The following GRM5 variants were observed in gnomAD, a reference collection of about 807,000 sequenced individuals.
GRM5 encodes metabotropic glutamate receptor 5.
GRM5 carries 19 observed loss-of-function variants against 83.1 expected under a neutral mutation model. That is an observed-to-expected ratio of 0.23 (90% CI 0.16 to 0.34). The LOEUF is 0.34. GRM5 is among the 10% of genes least tolerant of loss of function. The pLI, the probability that GRM5 is intolerant of heterozygous loss-of-function variation, is 1.00. For synonymous variants in GRM5, 675 were observed against 633.6 expected, an observed-to-expected ratio of 1.07 and a Z score of -0.98; for missense variants, 1,160 against 1,588.3, an observed-to-expected ratio of 0.73 and a Z score of 4.58.
At chr11:88,680,093 G>T (rs75950283) in intron 3 of GRM5, among the ~76,000 whole-genome samples, 1,916 of 152,108 alleles carry the variant, frequency 0.013, 41 homozygotes, top group African/African-American at 0.045. Context: ...TTTAATTTTT[G>T]TTTATACTTT....
intron 3 of GRM5, among the ~76,000 whole-genome samples, chr11:88,723,659 T>C (rs1532548): frequency 0.1 from 15,424 of 152,012 alleles, 1,053 homozygotes; most frequent in Non-Finnish European, 0.15. Context: ...CTTTTCACTG[T>C]GGAACATTCC....
intron 7 of GRM5, among the ~76,000 whole-genome samples, chr11:88,570,662 C>T (rs1171475625): frequency 1.4e-5 from 2 of 144,456 alleles, no homozygotes; most frequent in South Asian, 2.2e-4. Flanking sequence ...TCACTGCAAC[C>T]TCTGCCTCCC....
chr11:88,945,036 AC>A (rs764872215), intron 2 of GRM5, among the ~76,000 whole-genome samples: 153 of 152,114 alleles, frequency 1.0e-3, no homozygotes, highest in Admixed American at 1.9e-3. Context: ...AAATCACTGT[AC>A]AAAAATCAGG....
intron 2 of GRM5, among the ~76,000 whole-genome samples, chr11:88,923,266 T>C (rs558090007): frequency 6.6e-6 from 1 of 152,240 alleles, no homozygotes; most frequent in East Asian, 1.9e-4. Flanking sequence ...TACTGCAACA[T>C]TATTGAAAAT....
chr11:88,518,695 A>C (rs1403758720), intron 9 of GRM5, among the ~76,000 whole-genome samples: 1 of 152,008 alleles, frequency 6.6e-6, no homozygotes, highest in African/African-American at 2.4e-5. Flanking sequence ...ACCACCATCC[A>C]AATCTTGGCC....
At chr11:88,941,437 TAGGGGAGAAG>T (rs1482806845) in intron 2 of GRM5, among the ~76,000 whole-genome samples, 2 of 124,414 alleles carry the variant, frequency 1.6e-5, no homozygotes, top group African/African-American at 6.4e-5. Context: ...GAGACGAGAA[TAGGGGAGAAG>T]AGGGGAGAAG....
chr11:88,579,654 C>T (rs1024682578), intron 7 of GRM5, among the ~76,000 whole-genome samples: 3 of 151,976 alleles, frequency 2.0e-5, no homozygotes, highest in African/African-American at 7.3e-5. Flanking sequence ...AATGGAAGAA[C>T]AAAAAGACCA....
intron 3 of GRM5, among the ~76,000 whole-genome samples, chr11:88,734,193 C>T (rs1389091593): frequency 6.6e-6 from 1 of 151,878 alleles, no homozygotes; most frequent in Non-Finnish European, 1.5e-5. Flanking sequence ...AGCAAATAAA[C>T]ATTTCTCCAA....
intron 3 of GRM5, among the ~76,000 whole-genome samples, chr11:88,815,303 T>A (rs1473648924): frequency 6.6e-6 from 1 of 152,202 alleles, no homozygotes; most frequent in East Asian, 1.9e-4. Context: ...ATTTGGGAAC[T>A]AAATAAAACA....
At chr11:88,905,064 A>G (rs1393493494) in intron 2 of GRM5, among the ~76,000 whole-genome samples, 1 of 152,188 alleles carries the variant, frequency 6.6e-6, no homozygotes, top group Non-Finnish European at 1.5e-5. Context: ...TCTTCATCCA[A>G]TCAGAAGATT....
chr11:88,686,676 C>T (rs1033774980), intron 3 of GRM5, among the ~76,000 whole-genome samples: 2 of 152,180 alleles, frequency 1.3e-5, no homozygotes, highest in East Asian at 1.9e-4. Flanking sequence ...ACTGTCCTTA[C>T]GGTAGTGAAT....
At chr11:88,806,966 A>G (rs1175069934) in intron 3 of GRM5, among the ~76,000 whole-genome samples, 1 of 152,202 alleles carries the variant, frequency 6.6e-6, no homozygotes, top group Non-Finnish European at 1.5e-5. Flanking sequence ...GACTTGATTC[A>G]AATATTGCTT....
At chr11:88,805,618 G>C (rs962868388) in intron 3 of GRM5, among the ~76,000 whole-genome samples, 8 of 152,140 alleles carry the variant, frequency 5.3e-5, no homozygotes, top group Admixed American at 3.9e-4. Flanking sequence ...AATGCAAATG[G>C]AACGGTATTG....
chr11:88,781,127 G>GTATA (rs59273026), intron 3 of GRM5, among the ~76,000 whole-genome samples: 1 of 145,412 alleles, frequency 6.9e-6, no homozygotes, highest in African/African-American at 2.5e-5. Context: ...ACATATATAT[G>GTATA]TATATATATA....
At chr11:88,680,368 AATG>A (rs1474541650) in intron 3 of GRM5, among the ~76,000 whole-genome samples, 1 of 152,112 alleles carries the variant, frequency 6.6e-6, no homozygotes, top group Non-Finnish European at 1.5e-5. Flanking sequence ...GTTTGCTGAG[AATG>A]ATGGTTTCCA....
intron 2 of GRM5, among the ~76,000 whole-genome samples, chr11:88,883,991 G>A (rs1289602882): frequency 6.6e-6 from 1 of 152,184 alleles, no homozygotes; most frequent in Admixed American, 6.6e-5. Context: ...ACAGCACTAT[G>A]GAAGGGAAAT....
intron 4 of GRM5, among the ~76,000 whole-genome samples, chr11:88,623,238 A>G (rs147455483): frequency 6.6e-4 from 100 of 152,120 alleles, no homozygotes; most frequent in African/African-American, 2.3e-3. Flanking sequence ...GCTGCCCACC[A>G]CCATGCCCGG....
intron 3 of GRM5, among the ~76,000 whole-genome samples, chr11:88,844,095 C>T (rs553125694): frequency 2.0e-4 from 31 of 152,246 alleles, no homozygotes; most frequent in South Asian, 4.2e-4. Flanking sequence ...TGCCATCTAA[C>T]ACTTTCTCAG....
At chr11:88,596,132 T>C (rs1937798633) in intron 6 of GRM5, among the ~76,000 whole-genome samples, 1 of 152,190 alleles carries the variant, frequency 6.6e-6, no homozygotes, top group South Asian at 2.1e-4. Flanking sequence ...ACCTTTTAGT[T>C]ACTAACACTT....
Sources: gnomAD v4.1 joint callset for allele counts (sites outside exome capture counted in the v4.1 genomes callset) on GRCh38, gnomAD v4.1.1 for gene constraint, MANE v1.5 for transcripts, NCBI Gene and HGNC (gene_info 2026-07-23, HGNC 2026-07-21) for gene names.